IPO5: variants seen among roughly 807,000 people sequenced by gnomAD.
The protein encoded by IPO5 is importin-5.
IPO5 carries 18 observed loss-of-function variants against 143.3 expected under a neutral mutation model. The observed-to-expected ratio is 0.13, with a 90% confidence interval of 0.09 to 0.19. The LOEUF is 0.19. Among genes scored for constraint, IPO5 ranks in the 10% least tolerant of loss-of-function variants. The probability of loss-of-function intolerance (pLI) is 1.00; values close to 1 mark genes in which losing one functional copy is unlikely to be tolerated. For missense variants in IPO5, 1,013 were observed against 1,336.9 expected, an observed-to-expected ratio of 0.76 and a Z score of 3.78; for synonymous variants, 477 against 465.7, an observed-to-expected ratio of 1.02 and a Z score of -0.31.
chr13:97,982,349 A>G (rs1886922424), intron 4 of IPO5, among the ~76,000 whole-genome samples, 154 bp from the exon 5 acceptor site: 1 of 152,266 alleles, frequency 6.6e-6, no homozygotes, highest in African/African-American at 2.4e-5. Flanking sequence ...CTTCCCTAAC[A>G]TATCTGAAGT....
Position 97,985,501 on chromosome 13 carries a change from T to C in IPO5, c.252T>C (p.Asp84=). The part of the protein sequence containing the change: ...FDEVYPALPS[D]VQTAIKSELL... ...AAGTCTATCCAGCACTTCCCTCTGATGTTCAGACTGCCATCAAGAGTGAGC... is the reference window on the plus strand; with the variant it reads ...AAGTCTATCCAGCACTTCCCTCTGACGTTCAGACTGCCATCAAGAGTGAGC... Residue 84 remains aspartate, a synonymous_variant, in exon 6 of 29, where the codon GAT becomes GAC. Transcript: ENST00000651721. 1 of 1,613,996 alleles carries C rather than the reference T, an allele frequency of 6.2e-7. No individual in the cohort carries two copies. The highest frequency in any genetic ancestry group is 1.1e-5 in the South Asian group (1 of 91,084).
At chr13:98,017,241 C>CATATATATAT (rs140562728) in intron 25 of IPO5, among the ~76,000 whole-genome samples, 1 of 148,166 alleles carries the variant, frequency 6.7e-6, no homozygotes, top group East Asian at 2.0e-4. Context: ...GGATAATGGG[C>CATATATATAT]ATATATATAT....
At chr13:97,968,900 G>A (rs975308508) in intron 2 of IPO5, among the ~76,000 whole-genome samples, 1 of 151,760 alleles carries the variant, frequency 6.6e-6, no homozygotes, top group African/African-American at 2.4e-5. Flanking sequence ...TGTTTGCCAG[G>A]CTGGTCTTGA....
At chr13:97,965,876 C>T (rs1450570186) in intron 2 of IPO5, among the ~76,000 whole-genome samples, 2 of 151,810 alleles carry the variant, frequency 1.3e-5, no homozygotes, top group Non-Finnish European at 2.9e-5. Flanking sequence ...CGGTGGCTCA[C>T]GCCTGTAATC....
At chr13:97,972,994 G>C (rs1885947254) in intron 3 of IPO5, among the ~76,000 whole-genome samples, 1 of 149,822 alleles carries the variant, frequency 6.7e-6, no homozygotes, top group South Asian at 2.1e-4. Flanking sequence ...CTATAATCCT[G>C]CAGGCTGTTT....
chr13:97,990,525 G>A lies in IPO5; in HGVS notation c.657G>A (p.Pro219=), dbSNP rs748297093. 13 of 1,576,328 alleles carry A rather than the reference G, an allele frequency of 8.2e-6. No individual in the cohort carries two copies. Among genetic ancestry groups the A allele is most frequent in the Admixed American group, 1.9e-5 (1 of 53,730 alleles). Residue 219 remains proline (P), a synonymous_variant, in exon 9 of 29, where the codon CCG becomes CCA. Coordinates refer to ENST00000651721, the MANE Select transcript of IPO5 (RefSeq NM_002271.6). ...TCAAACATTTTGCAGACTTGCTACCGGGATTCCTACAGGTATGAAAGCAAT... is the reference window on the plus strand; with the variant it reads ...TCAAACATTTTGCAGACTTGCTACCAGGATTCCTACAGGTATGAAAGCAAT... ...ALFKHFADLL[P]GFLQAVNDSC...
chr13:97,988,374 A>G (rs1330283547), intron 6 of IPO5, among the ~76,000 whole-genome samples: 1 of 152,212 alleles, frequency 6.6e-6, no homozygotes, highest in African/African-American at 2.4e-5. Context: ...TTGCCACCAA[A>G]TACTAGCTTT....
intron 2 of IPO5, among the ~76,000 whole-genome samples, chr13:97,966,306 C>A (rs984165446): frequency 6.6e-6 from 1 of 152,034 alleles, no homozygotes; most frequent in African/African-American, 2.4e-5. Flanking sequence ...GGAAATTCCT[C>A]TTTATTCCTA....
chr13:97,991,254 T>C (rs1887776432), intron 9 of IPO5, among the ~76,000 whole-genome samples: 1 of 152,044 alleles, frequency 6.6e-6, no homozygotes, highest in Non-Finnish European at 1.5e-5. Context: ...AAAAAAGAAA[T>C]GCAAAGAAAC....
chr13:97,976,490 C>A (rs971954970), intron 3 of IPO5: 15 of 153,156 alleles, frequency 9.8e-5, no homozygotes, highest in African/African-American at 3.6e-4. Flanking sequence ...CCGGCGCCGG[C>A]GGCCGCGGCG....
At chr13:97,994,345 G>A (rs1594085292) in intron 11 of IPO5, among the ~76,000 whole-genome samples, 1 of 152,256 alleles carries the variant, frequency 6.6e-6, no homozygotes, top group African/African-American at 2.4e-5. Flanking sequence ...TTGCTTATTT[G>A]TAGGCTATGT....
At chr13:97,989,942 C>T (rs1887679461) in intron 7 of IPO5, among the ~76,000 whole-genome samples, 184 bp from the exon 8 acceptor site, 2 of 152,172 alleles carry the variant, frequency 1.3e-5, no homozygotes. Context: ...CAGACTTCTC[C>T]AGTATGTTTT....
Position 98,016,736 on chromosome 13 carries a change from A to G in IPO5, c.2501A>G (p.Asn834Ser), listed in dbSNP as rs761577131. 5.6e-6 allele frequency: 8 copies of G among 1,429,248 alleles called. No individual in the cohort carries two copies. In the Admixed American group the frequency reaches 9.3e-5, roughly 17 times the overall value. The allele number at this position is 1,429,248 out of a possible 1,614,324, so 88.5% of individuals were successfully genotyped here. ...VEESLQDEDD[N>S]DVYILTKVSD... The stretch of plus-strand genomic sequence containing the variant: ...TGTGTATGTTTTTTTTAGGATGATA[A>G]TGATGTTTATATTCTGACCAAAGTG... Residue 834 changes from asparagine (N) to serine (S), a missense_variant, in exon 25 of 29, where the codon AAT (asparagine) becomes AGT (serine). This residue lies in a region of IPO5 where 685 missense variants were observed against 994.9 expected (regional missense o/e 0.69). Coordinates refer to ENST00000651721, the MANE Select transcript of IPO5 (RefSeq NM_002271.6).
intron 2 of IPO5, among the ~76,000 whole-genome samples, chr13:97,967,931 C>T (rs934605230): frequency 1.3e-5 from 2 of 151,940 alleles, no homozygotes; most frequent in Non-Finnish European, 2.9e-5. Flanking sequence ...GCACCCGGCT[C>T]AAAGTATTTT....
rs1887268233 is a variant in IPO5 at position 97,985,576 on chromosome 13, T to A, written c.327T>A (p.Val109=). 1 of 1,613,856 alleles carries A rather than the reference T, an allele frequency of 6.2e-7. No individual in the cohort carries two copies. The highest frequency in any genetic ancestry group is 1.7e-5 in the Admixed American group (1 of 59,972). Residue 109 remains valine, a synonymous_variant, in exon 6 of 29, where the codon GTT becomes GTA. Transcript: ENST00000651721. ...METQSSMRKK[V]CDIAAELARN... is the part of the protein sequence containing the mutation. ...CACAATCTAGCATGAGGAAAAAAGT[T>A]TGTGATATTGCGGCAGAACTGGCCA...
At chr13:98,017,322 TTTTGTTTG>T (rs762272316) in intron 25 of IPO5, among the ~76,000 whole-genome samples, 3 of 151,886 alleles carry the variant, frequency 2.0e-5, no homozygotes, top group African/African-American at 7.3e-5. Context: ...ATAGACTTCT[TTTTGTTTG>T]TTTGTTTGTT....
intron 6 of IPO5, chr13:97,986,933 C>CA (rs1480291959): frequency 6.6e-6 from 1 of 152,260 alleles, no homozygotes; most frequent in Non-Finnish European, 1.5e-5. Flanking sequence ...CCTCAGAGGT[C>CA]ACTGGGCTTT....
chr13:98,012,448 G>A (rs951201745), intron 21 of IPO5, 106 bp downstream of exon 21: 2 of 738,110 alleles, frequency 2.7e-6, no homozygotes, highest in Non-Finnish European at 4.9e-6. Context: ...ATGATTGTTT[G>A]TATTTGCACT....
intron 16 of IPO5, 97 bp from the exon 17 acceptor site, chr13:98,006,033 C>G: frequency 1.3e-6 from 1 of 798,486 alleles, no homozygotes; most frequent in East Asian, 2.4e-5. Context: ...TCTGCTGTTT[C>G]AGAAAAGCAT....
Sources: gnomAD v4.1 joint callset for allele counts (sites outside exome capture counted in the v4.1 genomes callset) on GRCh38, gnomAD v4.1.1 for gene constraint, gnomAD v4.1.1 regional missense constraint, MANE v1.5 for transcripts, NCBI Gene and HGNC (gene_info 2026-07-23, HGNC 2026-07-21) for gene names.